MAGI2: variants seen among roughly 807,000 people sequenced by gnomAD.
The protein encoded by MAGI2 is membrane associated guanylate kinase, WW and PDZ domain containing 2.
A neutral mutation model predicts 133.3 loss-of-function variants in MAGI2; 35 were observed. The observed-to-expected ratio is 0.26, with a 90% CI of 0.20 to 0.35. MAGI2 has a LOEUF of 0.35. Among genes scored for constraint, MAGI2 ranks in the 10% least tolerant of loss-of-function variants. The pLI is 1.00. For synonymous variants in MAGI2, 729 were observed against 710.6 expected (o/e 1.03, Z -0.41); for missense variants, 1,636 against 1,863.4 (o/e 0.88, Z 2.25).
intron 2 of MAGI2, among the ~76,000 whole-genome samples, chr7:78,853,337 T>TCG (rs1465496529): frequency 1.1e-4 from 6 of 52,462 alleles, no homozygotes; most frequent in African/African-American, 5.1e-4. Flanking sequence ...TCGTTCTTTT[T>TCG]TTTTTTTTTT....
At chr7:78,612,255 C>G (rs1003267353) in intron 3 of MAGI2, among the ~76,000 whole-genome samples, 1 of 152,012 alleles carries the variant, frequency 6.6e-6, no homozygotes, top group African/African-American at 2.4e-5. Context: ...ACTATTATTT[C>G]TTTTGTCTAA....
chr7:78,917,167 T>C (rs1032997913), intron 2 of MAGI2, among the ~76,000 whole-genome samples: 1 of 151,818 alleles, frequency 6.6e-6, no homozygotes, highest in African/African-American at 2.4e-5. Flanking sequence ...TGGTTAGATA[T>C]GGAAAAGAGA....
rs1236340018 is a variant in MAGI2 at position 78,256,011 on chromosome 7, G to T, written c.1979C>A (p.Thr660Lys). 1.2e-6 allele frequency: 2 copies of T among 1,613,688 alleles called. No homozygotes were observed. Among genetic ancestry groups the T allele is most frequent in the Non-Finnish European group, 1.7e-6 (2 of 1,179,866 alleles). ...NQQNVQNLSHTEVVDILKDCP... is the reference protein window; with the variant it reads ...NQQNVQNLSHKEVVDILKDCP... ...GTCCTTAAGTATATCCACTACTTCT[G>T]TATGGCTCAGGTTCTGTACATTCTG... The change falls in exon 10 of 22, where the codon ACA (threonine) becomes AAA (lysine). Residue 660 changes from threonine (T) to lysine (K), a missense_variant. Thr to Lys is a moderately conservative substitution (Grantham distance 78). This residue lies in a region of MAGI2 where 920 missense variants were observed against 1,093.5 expected (regional missense o/e 0.84). Transcript: ENST00000354212.
intron 1 of MAGI2, among the ~76,000 whole-genome samples, chr7:79,440,600 G>A (rs1243762667): frequency 2.0e-5 from 3 of 151,246 alleles, no homozygotes; most frequent in Non-Finnish European, 4.4e-5. Context: ...TCCTTATATT[G>A]GTAAAGAAAG....
At chr7:78,939,440 G>T (rs934630782) in intron 2 of MAGI2, among the ~76,000 whole-genome samples, 3 of 152,110 alleles carry the variant, frequency 2.0e-5, no homozygotes, top group Admixed American at 6.6e-5. Context: ...ATGGAAATTG[G>T]GTTGACTATG....
At chr7:78,362,730 A>G (rs1247990480) in intron 7 of MAGI2, among the ~76,000 whole-genome samples, 2 of 152,222 alleles carry the variant, frequency 1.3e-5, no homozygotes, top group Admixed American at 1.3e-4. Flanking sequence ...TTTGATATCC[A>G]TGCTCCTTTT....
intron 20 of MAGI2, among the ~76,000 whole-genome samples, chr7:78,112,566 G>A (rs1327089972): frequency 6.6e-6 from 1 of 152,232 alleles, no homozygotes; most frequent in Non-Finnish European, 1.5e-5. Flanking sequence ...GCAATCCCAT[G>A]TCCTGGTTCA....
At chr7:79,431,656 A>C (rs1585959359) in intron 1 of MAGI2, among the ~76,000 whole-genome samples, 2 of 152,192 alleles carry the variant, frequency 1.3e-5, no homozygotes, top group African/African-American at 4.8e-5. Flanking sequence ...AAACATTTGA[A>C]TCTTTCTAAG....
rs557966858 is a variant in MAGI2 at position 79,333,066 on chromosome 7, C to G, written c.301+119954G>C. On this transcript the variant is annotated intron_variant, in intron 1 of 21. Coordinates refer to ENST00000354212, the MANE Select transcript of MAGI2 (RefSeq NM_012301.4). The stretch of plus-strand genomic sequence containing the variant: ...CCAGTCCCACTACTGCCCACTTCCT[C>G]TCAACTTGTACCAATCTACTAATAA... Among the ~76,000 whole-genome samples the G allele has an allele frequency of 3.6e-3, 550 of 152,308 alleles. 6 individuals carry two copies. The highest frequency in any genetic ancestry group is 0.013 in the African/African-American group (538 of 41,570).
intron 1 of MAGI2, among the ~76,000 whole-genome samples, chr7:79,424,183 A>G (rs1453816979): frequency 6.6e-6 from 1 of 152,112 alleles, no homozygotes; most frequent in Admixed American, 6.6e-5. Flanking sequence ...TTCATATGCT[A>G]AACAAGAAAT....
intron 16 of MAGI2, among the ~76,000 whole-genome samples, chr7:78,148,065 C>T (rs1022128757): frequency 6.6e-6 from 1 of 152,088 alleles, no homozygotes; most frequent in African/African-American, 2.4e-5. Flanking sequence ...AACCAATTTC[C>T]ACACACAAAA....
intron 2 of MAGI2, among the ~76,000 whole-genome samples, chr7:78,970,921 G>C (rs986282325): frequency 6.6e-6 from 1 of 152,032 alleles, no homozygotes; most frequent in Non-Finnish European, 1.5e-5. Flanking sequence ...CTTGGAGAGA[G>C]GAATGCTAAC....
At chr7:78,813,258 C>A (rs534152470) in intron 2 of MAGI2, among the ~76,000 whole-genome samples, 2 of 152,028 alleles carry the variant, frequency 1.3e-5, no homozygotes, top group African/African-American at 4.8e-5. Context: ...AACCACAGAC[C>A]AGTATCCCTC....
rs545845336 is a variant in MAGI2 at position 78,328,491 on chromosome 7, C to T, written c.1408+15287G>A. Among the ~76,000 whole-genome samples, 116 of 30,026 alleles carry T rather than the reference C, an allele frequency of 3.9e-3. 2 individuals are homozygous for T. The highest frequency in any genetic ancestry group is 0.018 in the African/African-American group (112 of 6,338). 19.7% of individuals were successfully genotyped at this position (30,026 alleles called of 152,430 possible). ...TGCTTATATCTCAGCTCTTGTTGCT[C>T]CCAGCTCTAAAACACACACACACAC... On this transcript the variant is annotated intron_variant, in intron 9 of 21. Coordinates refer to ENST00000354212, the MANE Select transcript of MAGI2 (RefSeq NM_012301.4).
At chr7:79,409,764 T>A (rs1321657528) in intron 1 of MAGI2, among the ~76,000 whole-genome samples, 1 of 152,124 alleles carries the variant, frequency 6.6e-6, no homozygotes, top group African/African-American at 2.4e-5. Flanking sequence ...TTTTTACAAC[T>A]GAGATAGCAA....
At chr7:79,225,436 A>C (rs1198429817) in intron 1 of MAGI2, among the ~76,000 whole-genome samples, 3 of 152,206 alleles carry the variant, frequency 2.0e-5, no homozygotes, top group Non-Finnish European at 4.4e-5. Context: ...CTGTTTTCAT[A>C]TTAGAAATAG....
chr7:78,712,876 A>C (rs1819332956), intron 2 of MAGI2, among the ~76,000 whole-genome samples: 1 of 152,144 alleles, frequency 6.6e-6, no homozygotes, highest in South Asian at 2.1e-4. Flanking sequence ...TGGAAAGCAA[A>C]AATCAATACA....
chr7:78,317,068 C>T lies in MAGI2; in HGVS notation c.1408+26710G>A, dbSNP rs552253725. Among the ~76,000 whole-genome samples, 270 of 152,294 alleles carry T rather than the reference C, an allele frequency of 1.8e-3. 2 individuals carry two copies. Among genetic ancestry groups the T allele is most frequent in the African/African-American group, 6.3e-3 (263 of 41,554 alleles). ...CAACACATCTATTTTCCCATAAAAA[C>T]TGTCAGCCCTCTTGGAATTGAATAG... On this transcript the variant is annotated intron_variant, in intron 9 of 21. Transcript: ENST00000354212.
At chr7:79,028,996 A>G (rs17406392) in intron 1 of MAGI2, among the ~76,000 whole-genome samples, 14,590 of 152,272 alleles carry the variant, frequency 0.096, 719 homozygotes, top group South Asian at 0.12. Flanking sequence ...CAAATGTTAT[A>G]TTTTAAATAG....
Sources: gnomAD v4.1 joint callset for allele counts (sites outside exome capture counted in the v4.1 genomes callset) on GRCh38, gnomAD v4.1.1 for gene constraint, gnomAD v4.1.1 regional missense constraint, MANE v1.5 for transcripts, NCBI Gene and HGNC (gene_info 2026-07-23, HGNC 2026-07-21) for gene names.